Variants in PRKG1 observed in about 807,000 individuals in gnomAD.
PRKG1 encodes the protein protein kinase cGMP-dependent 1.
Under a neutral mutation model 88.1 loss-of-function variants are expected in PRKG1, and 35 were observed. The ratio of observed to expected loss-of-function variants is 0.40; its 90% CI spans 0.30 to 0.53. The LOEUF (loss-of-function observed/expected upper bound fraction) is 0.53, where lower values mean the gene tolerates loss of function less well. Ranked by LOEUF, PRKG1 falls within the 20% of genes least tolerant of loss-of-function variation. The probability of loss-of-function intolerance (pLI) is 0.59; values close to 1 mark genes in which losing one functional copy is unlikely to be tolerated. For missense variants in PRKG1, 540 were observed against 839.8 expected (o/e 0.64, Z 4.41); for synonymous variants, 303 against 292.5 (o/e 1.04, Z -0.37).
At chr10:52,254,207 G>C (rs1251468657) in intron 10 of PRKG1, among the ~76,000 whole-genome samples, 1 of 151,946 alleles carries the variant, frequency 6.6e-6, no homozygotes, top group African/African-American at 2.4e-5. Flanking sequence ...ATCAGAGTTA[G>C]GAGTAAGATG....
intron 7 of PRKG1, among the ~76,000 whole-genome samples, chr10:52,109,411 G>C (rs918073749): frequency 6.6e-6 from 1 of 152,180 alleles, no homozygotes; most frequent in Non-Finnish European, 1.5e-5. Context: ...GGAAAATACA[G>C]GGTTTGACTT....
intron 9 of PRKG1, among the ~76,000 whole-genome samples, chr10:52,221,454 C>T (rs990882759): frequency 5.3e-5 from 8 of 152,052 alleles, no homozygotes; most frequent in African/African-American, 1.9e-4. Flanking sequence ...GGTTTTTTTA[C>T]TACTTAATAT....
intron 2 of PRKG1, among the ~76,000 whole-genome samples, chr10:51,212,085 C>T (rs1031656976): frequency 1.6e-4 from 24 of 152,098 alleles, no homozygotes; most frequent in African/African-American, 4.6e-4. Flanking sequence ...GCTACAGTAA[C>T]CAAAACAGCA....
At chr10:51,551,805 T>C (rs566357442) in intron 3 of PRKG1, among the ~76,000 whole-genome samples, 1 of 151,784 alleles carries the variant, frequency 6.6e-6, no homozygotes. Context: ...ATGTGCTTAT[T>C]TGAAGTACTT....
At chr10:51,906,924 T>A (rs564897661) in intron 4 of PRKG1, among the ~76,000 whole-genome samples, 42 of 152,288 alleles carry the variant, frequency 2.8e-4, no homozygotes, top group Non-Finnish European at 5.3e-4. Flanking sequence ...CAGGTTGGAA[T>A]TTGGTATCTT....
rs1490081055 is a variant in PRKG1, at chr10:52,133,885, C to T, written c.981C>T (p.Thr327=). The stretch of plus-strand genomic sequence containing the variant: ...ACGTAATTGCTGCAGAAGCTGTAAC[C>T]TGCCTTGTGATTGACAGAGAGTAAG... ...TANVIAAEAV[T]CLVIDRDSFK... is the part of the protein sequence containing the mutation. Residue 327 remains threonine (T), a synonymous_variant, in exon 8 of 18, where the codon ACC becomes ACT. Transcript: ENST00000373980. 1 of 1,612,832 alleles carries T rather than the reference C, an allele frequency of 6.2e-7. No individual in the cohort carries two copies. The highest frequency in any genetic ancestry group is 1.1e-5 in the South Asian group (1 of 90,986).
chr10:51,669,766 A>T (rs944222822), intron 3 of PRKG1, among the ~76,000 whole-genome samples: 2 of 152,136 alleles, frequency 1.3e-5, no homozygotes, highest in Admixed American at 1.3e-4. Context: ...TAAAAAAATA[A>T]TTCATTGAGA....
intron 2 of PRKG1, among the ~76,000 whole-genome samples, chr10:51,233,685 G>A (rs1180537326): frequency 1.3e-5 from 2 of 152,292 alleles, no homozygotes; most frequent in Middle Eastern, 6.8e-3. Flanking sequence ...TCAGATAAAT[G>A]CATGTGAGAG....
chr10:51,848,868 A>G (rs1250765682), intron 4 of PRKG1, among the ~76,000 whole-genome samples: 1 of 143,242 alleles, frequency 7.0e-6, no homozygotes, highest in African/African-American at 2.7e-5. Flanking sequence ...TTTTTTTTTT[A>G]ACACTTTCTG....
At chr10:51,640,737 T>A (rs965811266) in intron 3 of PRKG1, among the ~76,000 whole-genome samples, 3 of 152,200 alleles carry the variant, frequency 2.0e-5, no homozygotes, top group Non-Finnish European at 2.9e-5. Flanking sequence ...TTTAGAATAC[T>A]CTCAAATTAG....
chr10:51,583,050 T>C (rs1838083359), intron 3 of PRKG1, among the ~76,000 whole-genome samples: 1 of 152,144 alleles, frequency 6.6e-6, no homozygotes, highest in South Asian at 2.1e-4. Context: ...CTTTACATAG[T>C]AGTGTATCTA....
At chr10:52,269,063 TA>T (rs112305020) in intron 10 of PRKG1, among the ~76,000 whole-genome samples, 4,826 of 141,842 alleles carry the variant, frequency 0.034, 215 homozygotes, top group African/African-American at 0.11. Flanking sequence ...TGTACAAGTA[TA>T]AAAAAAAAAA....
At chr10:51,068,953 A>G (rs1843787583) in intron 1 of PRKG1, among the ~76,000 whole-genome samples, 1 of 151,942 alleles carries the variant, frequency 6.6e-6, no homozygotes, top group South Asian at 2.1e-4. Flanking sequence ...AAAAAACCTA[A>G]TATTTTTCTT....
At chr10:51,098,209 G>A (rs1589150470) in intron 1 of PRKG1, among the ~76,000 whole-genome samples, 1 of 152,260 alleles carries the variant, frequency 6.6e-6, no homozygotes, top group East Asian at 1.9e-4. Flanking sequence ...TTGAATTCAG[G>A]CTTTACCACT....
chr10:51,053,786 T>A (rs1474524540), intron 1 of PRKG1, among the ~76,000 whole-genome samples: 2 of 151,676 alleles, frequency 1.3e-5, no homozygotes, highest in African/African-American at 4.8e-5. Flanking sequence ...TTGTTTTTTT[T>A]TTTTTTAACT....
At chr10:51,835,583 A>G (rs1258039390) in intron 4 of PRKG1, among the ~76,000 whole-genome samples, 4 of 152,226 alleles carry the variant, frequency 2.6e-5, no homozygotes, top group Non-Finnish European at 4.4e-5. Context: ...AACATAAATT[A>G]TAACTTTTTT....
rs1235108517 is a variant in PRKG1, at chr10:52,239,177, G to T, written c.1077-12393G>T. On this transcript the variant is annotated intron_variant, in intron 9 of 17. Coordinates refer to ENST00000373980, the MANE Select transcript of PRKG1 (RefSeq NM_006258.4). ...CACACTCTGGGGACTGTGGTGGGGT[G>T]GGGGGAGGGGGGAGGGATAGCATTG... Among the ~76,000 whole-genome samples the T allele has an allele frequency of 7.5e-5, 7 of 93,910 alleles. No individual in the cohort carries two copies. The East Asian group carries it at 1.1e-3, about 14-fold the overall frequency. 61.6% of individuals were successfully genotyped at this position (93,910 alleles called of 152,430 possible). A position where few individuals can be genotyped will look rare whatever the true frequency, so the allele number is the denominator to read the frequency against.
At chr10:52,210,412 C>T (rs72787313) in intron 9 of PRKG1, among the ~76,000 whole-genome samples, 17,264 of 152,008 alleles carry the variant, frequency 0.11, 1,341 homozygotes, top group South Asian at 0.27. Flanking sequence ...GTCACTTCCT[C>T]AGAGAAGCCT....
chr10:51,648,453 G>T (rs1839965560), intron 3 of PRKG1, among the ~76,000 whole-genome samples: 1 of 152,072 alleles, frequency 6.6e-6, no homozygotes, highest in Non-Finnish European at 1.5e-5. Context: ...CCTAAAGAGT[G>T]CATAGTTCAT....
Sources: allele counts gnomAD v4.1 joint callset (sites outside exome capture counted in the v4.1 genomes callset), GRCh38; gene constraint gnomAD v4.1.1; transcripts MANE v1.5; gene names NCBI Gene and HGNC (gene_info 2026-07-23, HGNC 2026-07-21).